The following CDK5RAP1 variants were observed in gnomAD, a reference collection of about 807,000 sequenced individuals.
CDK5RAP1 encodes the protein mitochondrial tRNA methylthiotransferase CDK5RAP1.
A neutral mutation model predicts 64.5 loss-of-function variants in CDK5RAP1; 62 were observed. The ratio of observed to expected loss-of-function variants is 0.96; its 90% CI spans 0.78 to 1.19. The LOEUF is 1.19. Ranked by LOEUF, CDK5RAP1 falls within the 50% of genes most tolerant of loss-of-function variation. CDK5RAP1 has a pLI of 0.00. For missense variants in CDK5RAP1, 657 were observed against 735.0 expected (o/e 0.89, Z 1.23); for synonymous variants, 250 against 261.9 (o/e 0.95, Z 0.44).
chr20:33,381,122 T>C (rs919174701), intron 7 of CDK5RAP1, among the ~76,000 whole-genome samples: 3 of 152,230 alleles, frequency 2.0e-5, no homozygotes, highest in African/African-American at 7.2e-5. Context: ...ATATACTCTT[T>C]GCCCAAATTC....
intron 8 of CDK5RAP1, among the ~76,000 whole-genome samples, chr20:33,376,830 C>T (rs1298253974): frequency 2.0e-5 from 3 of 152,066 alleles, no homozygotes; most frequent in Non-Finnish European, 4.4e-5. Context: ...CCATTAAGAA[C>T]ATTAATGATT....
intron 2 of CDK5RAP1, among the ~76,000 whole-genome samples, chr20:33,396,548 T>C (rs540056738): frequency 1.3e-5 from 2 of 152,164 alleles, no homozygotes; most frequent in South Asian, 4.2e-4. Context: ...AATCCACCCA[T>C]CTTGGCCTCC....
In CDK5RAP1 at chr20:33,401,400, AGCCCACCCCGG is replaced by A; in HGVS notation, c.-21+17_-21+27del. ...AGGCGCCAGTCAAAAGCGGGTGCGC[AGCCCACCCCGG>A]CGGCCGCGCTGCTCACCTCCCGCAG... On this transcript the variant is annotated intron_variant, in intron 1 of 13. Coordinates refer to ENST00000346416, the MANE Select transcript of CDK5RAP1 (RefSeq NM_016408.4). The A allele has an allele frequency of 1.0e-6, 1 of 985,414 alleles. No homozygotes were observed. The allele number at this position is 985,414 out of a possible 1,614,324, so 61.0% of individuals were successfully genotyped here. A position where few individuals can be genotyped will look rare whatever the true frequency, so the allele number is the denominator to read the frequency against.
chr20:33,387,342 T>TGGCGC lies in CDK5RAP1; in HGVS notation c.731_735dup (p.Ser246AlafsTer40), dbSNP rs1419908709. On this transcript the variant is annotated frameshift_variant, in exon 6 of 14. Coordinates refer to ENST00000346416, the MANE Select transcript of CDK5RAP1 (RefSeq NM_016408.4). LOFTEE classifies it high-confidence loss of function. Reference sequence around the variant, plus strand: ...ACTCACACAAAGGCAGACGTGGCACTGGCGCTTGTCTGGACTGGCATGACA... The same window carrying TGGCGC: ...ACTCACACAAAGGCAGACGTGGCACTGGCGCGGCGCTTGTCTGGACTGGCATGACA... The TGGCGC allele has an allele frequency of 3.3e-5, 54 of 1,613,684 alleles. No homozygotes were observed. The highest frequency in any genetic ancestry group is 4.6e-5 in the Non-Finnish European group (54 of 1,179,896).
chr20:33,394,218 G>A, intron 3 of CDK5RAP1, 152 bp from the exon 4 acceptor site: 2 of 553,574 alleles, frequency 3.6e-6, no homozygotes, highest in Non-Finnish European at 6.5e-6. Context: ...GGAGTGCAGT[G>A]GGGCAATCTC....
intron 3 of CDK5RAP1, 98 bp downstream of exon 3, chr20:33,394,915 C>T: frequency 1.3e-6 from 1 of 755,188 alleles, no homozygotes; most frequent in East Asian, 2.5e-5. Context: ...TCTCTCTCAC[C>T]AGGGGGCACC....
At chr20:33,394,150 A>G in intron 3 of CDK5RAP1, 84 bp from the exon 4 acceptor site, 1 of 930,712 alleles carries the variant, frequency 1.1e-6, no homozygotes, top group Non-Finnish European at 1.7e-6. Context: ...ACAGCTCTTT[A>G]TTATTTTTTT....
At chr20:33,391,082 T>C (rs186496102) in intron 5 of CDK5RAP1, among the ~76,000 whole-genome samples, 1 of 152,046 alleles carries the variant, frequency 6.6e-6, no homozygotes, top group Non-Finnish European at 1.5e-5. Context: ...AGCAAGACCC[T>C]GTTTCTACAA....
intron 5 of CDK5RAP1, among the ~76,000 whole-genome samples, chr20:33,388,061 T>C (rs1987683230): frequency 7.0e-6 from 1 of 143,236 alleles, no homozygotes; most frequent in Admixed American, 7.0e-5. Context: ...AGGGTGAAAC[T>C]CCGTCTCAAA....
intron 7 of CDK5RAP1, among the ~76,000 whole-genome samples, chr20:33,380,605 G>C (rs1452264531): frequency 6.6e-6 from 1 of 152,122 alleles, no homozygotes; most frequent in Non-Finnish European, 1.5e-5. Context: ...TACTTCAAAT[G>C]GTTCAGAAAA....
Position 33,401,488 on chromosome 20 carries a change from C to A in CDK5RAP1, c.-81G>T. 9 of 985,328 alleles carry A rather than the reference C, an allele frequency of 9.1e-6. No homozygotes were observed. Among genetic ancestry groups the A allele is most frequent in the Non-Finnish European group, 1.1e-5 (9 of 829,932 alleles). The allele number at this position is 985,328 out of a possible 1,614,324, so 61.0% of individuals were successfully genotyped here. On this transcript the variant is annotated 5_prime_UTR_variant, in exon 1 of 14. Coordinates refer to ENST00000346416, the MANE Select transcript of CDK5RAP1 (RefSeq NM_016408.4). ...CGTAAGTTCTGCCGGCAAGTCGGAT[C>A]CCCTCACAGGTCCGCCGCTGCGTTC... is the stretch of plus-strand genomic sequence containing the variant.
chr20:33,394,164 C>CT (rs372212431), intron 3 of CDK5RAP1, 98 bp from the exon 4 acceptor site: 51,134 of 649,218 alleles, frequency 0.079, 12 homozygotes, highest in South Asian at 0.098. Context: ...TTTTTTTTTC[C>CT]TTTTTTTTTT....
At chr20:33,368,231 A>G (rs1440115741) in intron 11 of CDK5RAP1, among the ~76,000 whole-genome samples, 1 of 152,110 alleles carries the variant, frequency 6.6e-6, no homozygotes, top group Non-Finnish European at 1.5e-5. Context: ...CAAAGTGAAC[A>G]TTCATATTCA....
At chr20:33,394,143 G>A (rs1412826954) in intron 3 of CDK5RAP1, 77 bp from the exon 4 acceptor site, 10 of 963,626 alleles carry the variant, frequency 1.0e-5, no homozygotes, top group African/African-American at 9.9e-5. Flanking sequence ...CTGCCCTACA[G>A]CTCTTTATTA....
intron 1 of CDK5RAP1, among the ~76,000 whole-genome samples, chr20:33,400,505 C>T (rs1989303503): frequency 6.6e-6 from 1 of 152,164 alleles, no homozygotes; most frequent in African/African-American, 2.4e-5. Context: ...ATAAAAGCAG[C>T]ACCTACCACC....
In CDK5RAP1 at chr20:33,372,657, T is replaced by C. The variant is rs535821134; in HGVS notation, c.1246A>G (p.Arg416Gly). 1.0e-4 allele frequency: 162 copies of C among 1,560,924 alleles called. 1 individual carries two copies. The South Asian group carries it at 1.8e-3, about 17-fold the overall frequency. ...TTAAATGTACCTGGAATAGATTCTCTAATATGGTGAACTAACTCCACATAA... is the reference window on the plus strand; with the variant it reads ...TTAAATGTACCTGGAATAGATTCTCCAATATGGTGAACTAACTCCACATAA... ...EAYVELVHHI[R>G]ESIPGVSLSS... The change falls in exon 10 of 14, where the codon AGA (arginine) becomes GGA (glycine). Residue 416 changes from arginine to glycine, a missense_variant. Coordinates refer to ENST00000346416, the MANE Select transcript of CDK5RAP1 (RefSeq NM_016408.4).
rs1162489874 is a variant in CDK5RAP1 at position 33,374,150 on chromosome 20, A to C, written c.1170T>G (p.Ser390Arg). The change falls in exon 9 of 14, where the codon AGT (serine) becomes AGG (arginine). Residue 390 changes from serine to arginine, a missense_variant. Transcript: ENST00000346416. Reference protein sequence around the residue: ...ICKQIHLPAQSGSSRVLEAMR... With the variant: ...ICKQIHLPAQRGSSRVLEAMR... ...TGGCCTCCAACACACGGCTGCTTCC[A>C]CTCTGGGCTGGCAGGTGGATCTGTT... The C allele has an allele frequency of 6.2e-7, 1 of 1,614,000 alleles. No individual in the cohort carries two copies. The highest frequency in any genetic ancestry group is 1.3e-5 in the African/African-American group (1 of 75,020).
intron 8 of CDK5RAP1, among the ~76,000 whole-genome samples, chr20:33,378,334 A>G (rs1302539082): frequency 6.6e-6 from 1 of 152,200 alleles, no homozygotes; most frequent in Non-Finnish European, 1.5e-5. Flanking sequence ...TCATTTACCA[A>G]TTTAGGTCAC....
At chr20:33,372,294 A>C (rs921832106) in intron 10 of CDK5RAP1, among the ~76,000 whole-genome samples, 5 of 145,878 alleles carry the variant, frequency 3.4e-5, no homozygotes, top group Non-Finnish European at 7.6e-5. Flanking sequence ...AAAAAAAAAG[A>C]TATCAATTGT....
Sources: gnomAD v4.1 joint callset for allele counts (sites outside exome capture counted in the v4.1 genomes callset) on GRCh38, gnomAD v4.1.1 for gene constraint, MANE v1.5 for transcripts, NCBI Gene and HGNC (gene_info 2026-07-23, HGNC 2026-07-21) for gene names.